C1QL1: variants seen among roughly 807,000 people sequenced by gnomAD.
C1QL1 encodes the protein complement C1q like 1.
A neutral mutation model predicts 14.2 loss-of-function variants in C1QL1; 15 were observed. That is an observed-to-expected ratio of 1.06 (90% CI 0.71 to 1.62). The LOEUF (loss-of-function observed/expected upper bound fraction) is 1.62. C1QL1 is among the 40% of genes most tolerant of loss of function. The probability of loss-of-function intolerance (pLI) is 0.00; values close to 1 mark genes in which losing one functional copy is unlikely to be tolerated. For synonymous variants in C1QL1, 172 were observed against 172.4 expected (o/e 1.00, Z 0.02); for missense variants, 346 against 380.3 (o/e 0.91, Z 0.75).
At position 44,967,433 on chromosome 17, in the gene C1QL1, A is replaced by G; in HGVS notation, c.597+19T>C. 1 of 1,610,116 alleles carries G rather than the reference A, an allele frequency of 6.2e-7. No individual in the cohort carries two copies. The highest frequency in any genetic ancestry group is 8.5e-7 in the Non-Finnish European group (1 of 1,178,248). On this transcript the variant is annotated intron_variant, in intron 1 of 1. Coordinates refer to ENST00000253407, the MANE Select transcript of C1QL1 (RefSeq NM_006688.5). The surrounding 1 kb of genome is among the most constrained non-coding windows in gnomAD (Gnocchi z 7.0). ...GGTGCCCTGGGCCCAGCCCAGCCCC[A>G]TGCCCCCGCCTGGCCCACCTGGCCA...
At chr17:44,963,608 T>G (rs1004312275) in intron 1 of C1QL1, among the ~76,000 whole-genome samples, 3 of 152,106 alleles carry the variant, frequency 2.0e-5, no homozygotes, top group Non-Finnish European at 2.9e-5. Context: ...GTATTTTTAG[T>G]AGAGACAGGG....
Position 44,967,657 on chromosome 17 carries a change from G to A in C1QL1, c.392C>T (p.Ala131Val). The change falls in exon 1 of 2, where the codon GCC (alanine) becomes GTC (valine). Residue 131 changes from alanine (A) to valine (V), a missense_variant. Physicochemically the swap from Ala to Val is moderately conservative, Grantham distance 64. Coordinates refer to ENST00000253407, the MANE Select transcript of C1QL1 (RefSeq NM_006688.5). The surrounding 1 kb of genome is among the most constrained non-coding windows in gnomAD (Gnocchi z 7.0). ...GGGGTTCTTGAGGCCGGCGTAGAAG[G>A]CCACGCGCGGCACCGTGGTGTAGGT... The part of the protein sequence containing the change: ...TATYTTVPRV[A>V]FYAGLKNPHE... The A allele has an allele frequency of 6.2e-7, 1 of 1,613,626 alleles. No individual in the cohort carries two copies. Among genetic ancestry groups the A allele is most frequent in the Non-Finnish European group, 8.5e-7 (1 of 1,179,874 alleles).
chr17:44,966,074 G>A (rs2052656046), intron 1 of C1QL1, among the ~76,000 whole-genome samples: 1 of 152,194 alleles, frequency 6.6e-6, no homozygotes, highest in African/African-American at 2.4e-5. Flanking sequence ...GGGAGGAGAG[G>A]CCAGAAACCC....
intron 1 of C1QL1, among the ~76,000 whole-genome samples, chr17:44,964,532 T>G (rs773778390): frequency 6.6e-6 from 1 of 152,288 alleles, no homozygotes; most frequent in East Asian, 1.9e-4. Flanking sequence ...GCCAACACAT[T>G]TGGGGACCAA....
intron 1 of C1QL1, among the ~76,000 whole-genome samples, chr17:44,961,742 C>T (rs1466611739): frequency 5.3e-5 from 8 of 149,862 alleles, no homozygotes; most frequent in South Asian, 2.1e-4. Context: ...AAAAATTAGC[C>T]GGGCGCGGTG....
intron 1 of C1QL1, among the ~76,000 whole-genome samples, chr17:44,962,737 G>A (rs557491958): frequency 1.3e-5 from 2 of 152,054 alleles, no homozygotes; most frequent in Admixed American, 6.5e-5. Context: ...TATTTTTATT[G>A]CCCAGATTAA....
intron 1 of C1QL1, among the ~76,000 whole-genome samples, chr17:44,960,577 G>C (rs1171319909): frequency 6.6e-6 from 1 of 152,174 alleles, no homozygotes; most frequent in Admixed American, 6.5e-5. Context: ...TGGATTTCTA[G>C]GGCAGGTCTG....
intron 1 of C1QL1, among the ~76,000 whole-genome samples, chr17:44,961,769 C>T (rs1257804048): frequency 6.6e-6 from 1 of 151,028 alleles, no homozygotes; most frequent in Non-Finnish European, 1.5e-5. Flanking sequence ...GCCTGTAGTC[C>T]CAGCTACTGG....
chr17:44,959,995 G>A lies in C1QL1; in HGVS notation c.*193C>T. On this transcript the variant is annotated 3_prime_UTR_variant, in exon 2 of 2. Coordinates refer to ENST00000253407, the MANE Select transcript of C1QL1 (RefSeq NM_006688.5). The stretch of plus-strand genomic sequence containing the variant: ...GTTCCCTGGCACGGGGACAGGGCGC[G>A]CTGGGCCCGGCTCTGCAGCGAGCCG... 1 of 582,710 alleles carries A rather than the reference G, an allele frequency of 1.7e-6. No homozygotes were observed. Among genetic ancestry groups the A allele is most frequent in the South Asian group, 2.1e-5 (1 of 48,382 alleles). 36.1% of individuals were successfully genotyped at this position (582,710 alleles called of 1,614,324 possible).
intron 1 of C1QL1, among the ~76,000 whole-genome samples, chr17:44,963,511 T>G (rs1238141015): frequency 6.6e-6 from 1 of 152,042 alleles, no homozygotes; most frequent in African/African-American, 2.4e-5. Flanking sequence ...CAACTTCCAC[T>G]TCCCAGGTTC....
chr17:44,964,168 G>A (rs910168410), intron 1 of C1QL1, among the ~76,000 whole-genome samples: 8 of 152,166 alleles, frequency 5.3e-5, no homozygotes, highest in Non-Finnish European at 7.3e-5. Flanking sequence ...GAACTTGCCC[G>A]GAGAGGAGGC....
chr17:44,961,975 A>G (rs1448113735), intron 1 of C1QL1, among the ~76,000 whole-genome samples: 2 of 151,746 alleles, frequency 1.3e-5, no homozygotes, highest in South Asian at 2.1e-4. Flanking sequence ...ACATTCAGCT[A>G]ACAGGTATGG....
In C1QL1 at chr17:44,959,835, A is replaced by C; in HGVS notation, c.*353T>G. 4.5e-6 allele frequency: 1 copy of C among 221,296 alleles called. No individual in the cohort carries two copies. 13.7% of individuals were successfully genotyped at this position (221,296 alleles called of 1,614,324 possible). Reference sequence around the variant, plus strand: ...CCCCGGAGGGAGCGGAGGGCAGCTCATCTCAGAGCGCAGGAAGCAAACCCG... The same window carrying C: ...CCCCGGAGGGAGCGGAGGGCAGCTCCTCTCAGAGCGCAGGAAGCAAACCCG... On this transcript the variant is annotated 3_prime_UTR_variant, in exon 2 of 2. Transcript: ENST00000253407.
intron 1 of C1QL1, among the ~76,000 whole-genome samples, chr17:44,961,465 G>A (rs867034110): frequency 1.1e-4 from 17 of 152,188 alleles, no homozygotes; most frequent in East Asian, 5.8e-4. Context: ...ATAGTGGCAC[G>A]CCTGTAATCC....
intron 1 of C1QL1, among the ~76,000 whole-genome samples, chr17:44,966,692 A>T (rs933649349): frequency 6.6e-6 from 1 of 151,454 alleles, no homozygotes; most frequent in East Asian, 1.9e-4. Context: ...GACCCCACAC[A>T]CTCCAGAGTC....
At chr17:44,964,814 C>A (rs1288608500) in intron 1 of C1QL1, among the ~76,000 whole-genome samples, 1 of 146,912 alleles carries the variant, frequency 6.8e-6, no homozygotes, top group Non-Finnish European at 1.5e-5. Context: ...TCCTGGTTTT[C>A]TTTTCTTTTC....
intron 1 of C1QL1, among the ~76,000 whole-genome samples, chr17:44,964,593 G>C (rs999507566): frequency 1.3e-5 from 2 of 152,168 alleles, no homozygotes; most frequent in Admixed American, 6.5e-5. Context: ...TCGCTGGGGC[G>C]TGTGGTTGTA....
chr17:44,960,204 A>T lies in C1QL1; in HGVS notation c.761T>A (p.Ile254Asn). The T allele has an allele frequency of 6.2e-7, 1 of 1,614,100 alleles. No individual in the cohort carries two copies. The highest frequency in any genetic ancestry group is 8.5e-7 in the Non-Finnish European group (1 of 1,179,992). Residue 254 changes from isoleucine (I) to asparagine (N), a missense_variant, in exon 2 of 2, where the codon ATC becomes AAC. Physicochemically the swap from Ile to Asn is moderately radical, Grantham distance 149. Transcript: ENST00000253407. ...SNKYSTFSGFIIYSD is the reference protein window; with the variant it reads ...SNKYSTFSGFNIYSD Reference sequence around the variant, plus strand: ...GTGGGGAGCTCAGTCGGAGTAGATGATGAAGCCAGAGAACGTGCTGTATTT... The same window carrying T: ...GTGGGGAGCTCAGTCGGAGTAGATGTTGAAGCCAGAGAACGTGCTGTATTT...
Position 44,967,998 on chromosome 17 carries a change from G to A in C1QL1, c.51C>T (p.Gly17=). 1.4e-6 allele frequency: 2 copies of A among 1,386,672 alleles called. No homozygotes were observed. The highest frequency in any genetic ancestry group is 1.9e-6 in the Non-Finnish European group (2 of 1,066,528). The allele number at this position is 1,386,672 out of a possible 1,614,324, so 85.9% of individuals were successfully genotyped here. ...VLIPVLVSSG[G]PEGHYEMLGT... ...CCAGCATCTCATAGTGGCCTTCCGG[G>A]CCGCCCGAGCTCACCAGCACGGGGA... The change falls in exon 1 of 2, where the codon GGC becomes GGT. Residue 17 remains glycine, a synonymous_variant. Coordinates refer to ENST00000253407, the MANE Select transcript of C1QL1 (RefSeq NM_006688.5). The surrounding 1 kb of genome is among the most constrained non-coding windows in gnomAD (Gnocchi z 7.0).
Sources: gnomAD v4.1 joint callset for allele counts (sites outside exome capture counted in the v4.1 genomes callset) on GRCh38, gnomAD v4.1.1 for gene constraint, Gnocchi (gnomAD v3.1) non-coding constraint, MANE v1.5 for transcripts, NCBI Gene and HGNC (gene_info 2026-07-23, HGNC 2026-07-21) for gene names.